CFAP20DC: variants seen among roughly 807,000 people sequenced by gnomAD.
CFAP20DC encodes CFAP20 domain containing, also known as protein CFAP20DC.
CFAP20DC carries 84 observed loss-of-function variants against 101.7 expected under a neutral mutation model. The ratio of observed to expected loss-of-function variants is 0.83; its 90% confidence interval spans 0.69 to 0.99. The LOEUF is 0.99. Ranked by LOEUF, CFAP20DC falls within the 50% of genes least tolerant of loss-of-function variation. CFAP20DC has a pLI of 0.00. For missense variants in CFAP20DC, 1,007 were observed against 970.3 expected (o/e 1.04, Z -0.50); for synonymous variants, 359 against 351.2 (o/e 1.02, Z -0.25).
chr3:58,861,748 G>A lies in CFAP20DC; in HGVS notation c.1593+1810C>T, dbSNP rs1454368318. On this transcript the variant is annotated intron_variant, in intron 12 of 16. Transcript: ENST00000482387. This position sits in a 1 kb window ranked among gnomAD's most constrained non-coding sequence, Gnocchi z 4.0. Reference sequence around the variant, plus strand: ...TAGTAGGCTCTGATTAAAGGGTGGTGAGTGCCAGTGTTGGCAATGGGATGG... The same window carrying A: ...TAGTAGGCTCTGATTAAAGGGTGGTAAGTGCCAGTGTTGGCAATGGGATGG... 6 of 985,312 alleles carry A rather than the reference G, an allele frequency of 6.1e-6. No individual in the cohort carries two copies. In the African/African-American group the frequency reaches 7.0e-5, roughly 11 times the overall value. The allele number at this position is 985,312 out of a possible 1,614,324, so 61.0% of individuals were successfully genotyped here.
intron 3 of CFAP20DC, among the ~76,000 whole-genome samples, chr3:58,719,705 T>C (rs964370093): frequency 6.6e-6 from 1 of 152,188 alleles, no homozygotes; most frequent in Non-Finnish European, 1.5e-5. Context: ...GGGGAAACAG[T>C]GGTTTGGCTT....
chr3:58,776,814 C>G (rs938281754), intron 15 of CFAP20DC, among the ~76,000 whole-genome samples: 2 of 151,536 alleles, frequency 1.3e-5, no homozygotes, highest in Admixed American at 1.3e-4. Flanking sequence ...TATGTAGAGG[C>G]CTGGTTAGAA....
chr3:58,799,527 T>C lies in CFAP20DC; in HGVS notation c.2237+6868A>G, dbSNP rs1481459825. Among the ~76,000 whole-genome samples the C allele has an allele frequency of 6.6e-6, 1 of 152,144 alleles. No individual in the cohort carries two copies. The highest frequency in any genetic ancestry group is 6.5e-5 in the Admixed American group (1 of 15,280). On this transcript the variant is annotated intron_variant, in intron 15 of 16. Coordinates refer to ENST00000482387, the MANE Select transcript of CFAP20DC (RefSeq NM_001394063.1). The surrounding 1 kb of genome is among the most constrained non-coding windows in gnomAD (Gnocchi z 4.9). ...AGTGTAGAGAGATGAGGGAAGTTCA[T>C]TTTTAAGTGGTGAGATTCACTGAAT...
intron 12 of CFAP20DC, among the ~76,000 whole-genome samples, chr3:58,857,562 T>A (rs1177002020): frequency 6.6e-6 from 1 of 152,202 alleles, no homozygotes; most frequent in Non-Finnish European, 1.5e-5. Flanking sequence ...TACATTTCCA[T>A]GCTATTTTAA....
chr3:58,759,584 G>A (rs1282005357), intron 15 of CFAP20DC, among the ~76,000 whole-genome samples: 1 of 152,128 alleles, frequency 6.6e-6, no homozygotes, highest in Non-Finnish European at 1.5e-5. Flanking sequence ...ACTGATTTTG[G>A]TGTTTTAGAC....
chr3:59,026,634 G>A (rs981672474), intron 4 of CFAP20DC, among the ~76,000 whole-genome samples: 1 of 152,100 alleles, frequency 6.6e-6, no homozygotes, highest in African/African-American at 2.4e-5. Context: ...GAGGAAGACC[G>A]ATGACATATG....
chr3:58,778,928 C>T (rs2071583006), intron 15 of CFAP20DC, among the ~76,000 whole-genome samples: 2 of 152,186 alleles, frequency 1.3e-5, no homozygotes, highest in African/African-American at 4.8e-5. Context: ...CCAAGTGTCC[C>T]ACCCAACCAA....
chr3:58,932,912 CA>C (rs778231400), intron 5 of CFAP20DC, among the ~76,000 whole-genome samples: 9 of 152,202 alleles, frequency 5.9e-5, no homozygotes, highest in Non-Finnish European at 1.2e-4. Flanking sequence ...GGATCAAATT[CA>C]GACATAACAA....
chr3:58,816,757 G>A (rs1190706584), intron 14 of CFAP20DC, among the ~76,000 whole-genome samples: 1 of 152,164 alleles, frequency 6.6e-6, no homozygotes, highest in Non-Finnish European at 1.5e-5. Context: ...AAACAAAGCA[G>A]CCAGGAAGCT....
At chr3:58,988,100 A>G (rs1474552074) in intron 4 of CFAP20DC, among the ~76,000 whole-genome samples, 2 of 152,150 alleles carry the variant, frequency 1.3e-5, no homozygotes, top group African/African-American at 2.4e-5. Context: ...ACCATATTTG[A>G]TGACCAACAG....
chr3:58,887,550 T>C (rs1489601513), intron 6 of CFAP20DC: 2 of 152,198 alleles, frequency 1.3e-5, no homozygotes, highest in Admixed American at 1.3e-4. Flanking sequence ...AATTTACAAC[T>C]AACAAGAGAC....
At chr3:58,945,126 T>C (rs1219368098) in intron 4 of CFAP20DC, among the ~76,000 whole-genome samples, 3 of 152,212 alleles carry the variant, frequency 2.0e-5, no homozygotes, top group Non-Finnish European at 2.9e-5. Context: ...ATCATCTATT[T>C]TACAGATGAG....
chr3:58,738,234 T>C (rs1016229826), downstream of CFAP20DC, among the ~76,000 whole-genome samples: 12 of 152,098 alleles, frequency 7.9e-5, no homozygotes, highest in Non-Finnish European at 1.6e-4. The surrounding 1 kb of genome is among the most constrained non-coding windows in gnomAD (Gnocchi z 4.4). Context: ...TGCAGGTTTG[T>C]TATGTAGGTA....
chr3:58,948,334 G>A (rs1404730615), intron 4 of CFAP20DC, among the ~76,000 whole-genome samples: 3 of 152,288 alleles, frequency 2.0e-5, no homozygotes, highest in Middle Eastern at 3.4e-3. Context: ...TGAAATGCCA[G>A]CTCCTCCCTG....
At chr3:59,017,749 C>G (rs527948894) in intron 4 of CFAP20DC, 6 of 152,188 alleles carry the variant, frequency 3.9e-5, no homozygotes, top group African/African-American at 1.4e-4. Flanking sequence ...CCAACTTGAG[C>G]TAGTTCACCT....
chr3:58,901,457 T>G (rs1202064328), intron 6 of CFAP20DC, among the ~76,000 whole-genome samples: 1 of 152,160 alleles, frequency 6.6e-6, no homozygotes, highest in Non-Finnish European at 1.5e-5. Context: ...TATCTGTAAA[T>G]CATGGACACA....
chr3:58,998,193 A>G (rs1028559976), intron 4 of CFAP20DC, among the ~76,000 whole-genome samples: 3 of 152,206 alleles, frequency 2.0e-5, no homozygotes, highest in African/African-American at 7.2e-5. Flanking sequence ...CAGCAGTGAA[A>G]TAAGCTCATT....
intron 3 of CFAP20DC, among the ~76,000 whole-genome samples, chr3:58,723,395 A>G (rs2067499437): frequency 6.6e-6 from 1 of 152,234 alleles, no homozygotes; most frequent in Non-Finnish European, 1.5e-5. Flanking sequence ...TGTAAATACC[A>G]CTTCACTTTC....
chr3:58,778,975 A>G (rs899975845), intron 15 of CFAP20DC, among the ~76,000 whole-genome samples: 5 of 152,214 alleles, frequency 3.3e-5, no homozygotes, highest in Admixed American at 1.3e-4. Context: ...TTTCTCCCCA[A>G]TAAAAGCACA....
Sources: allele counts gnomAD v4.1 joint callset (sites outside exome capture counted in the v4.1 genomes callset), GRCh38; gene constraint gnomAD v4.1.1; non-coding constraint Gnocchi (gnomAD v3.1); transcripts MANE v1.5; gene names NCBI Gene and HGNC (gene_info 2026-07-23, HGNC 2026-07-21).